ZMYM4: variants seen among roughly 807,000 people sequenced by gnomAD.
ZMYM4 encodes zinc finger MYM-type containing 4.
ZMYM4 carries 31 observed loss-of-function variants against 183.2 expected under a neutral mutation model. The observed-to-expected ratio is 0.17, with a 90% confidence interval of 0.13 to 0.23. The LOEUF (loss-of-function observed/expected upper bound fraction) is 0.23. Ranked by LOEUF, ZMYM4 falls within the 10% of genes least tolerant of loss-of-function variation. ZMYM4 has a pLI of 1.00. For synonymous variants in ZMYM4, 592 were observed against 631.2 expected (o/e 0.94, Z 0.93); for missense variants, 1,273 against 1,840.3 (o/e 0.69, Z 5.64).
Position 35,419,461 on chromosome 1 carries a change from T to C in ZMYM4, c.4440-9T>C, listed in dbSNP as rs754796324. 5.6e-6 allele frequency: 9 copies of C among 1,612,984 alleles called. No individual in the cohort carries two copies. In the Admixed American group the frequency reaches 1.0e-4, roughly 18 times the overall value. On this transcript the variant is annotated splice_polypyrimidine_tract_variant and intron_variant, in intron 29 of 29. Coordinates refer to ENST00000314607, the MANE Select transcript of ZMYM4 (RefSeq NM_005095.3). Reference sequence around the variant, plus strand: ...CTTTTTTCTCTTTTTTTTTTTCCCCTGTGGATAGTTCTGAAAGTGTGAAGC... The same window carrying C: ...CTTTTTTCTCTTTTTTTTTTTCCCCCGTGGATAGTTCTGAAAGTGTGAAGC...
rs565935601 is a variant in ZMYM4, at chr1:35,420,080, C to T, written c.*403C>T. On this transcript the variant is annotated 3_prime_UTR_variant, in exon 30 of 30. Transcript: ENST00000314607. ...CAATAGGCTACTTTGGCAAGCCCTC[C>T]GTAAAAGTCAGAGGAGAGATCAGTA... 12 of 269,934 alleles carry T rather than the reference C, an allele frequency of 4.4e-5. No homozygotes were observed. The highest frequency in any genetic ancestry group is 1.9e-4 in the South Asian group (4 of 21,590). 16.7% of individuals were successfully genotyped at this position (269,934 alleles called of 1,614,324 possible). A position where few individuals can be genotyped will look rare whatever the true frequency, so the allele number is the denominator to read the frequency against.
intron 5 of ZMYM4, 40 bp from the exon 6 acceptor site, chr1:35,369,989 C>A: frequency 6.9e-7 from 1 of 1,457,696 alleles, no homozygotes; most frequent in Non-Finnish European, 9.5e-7. Context: ...GGTATTTATT[C>A]TTTTCTCTAT....
intron 1 of ZMYM4, among the ~76,000 whole-genome samples, chr1:35,286,592 C>CT (rs1570254210): frequency 6.8e-6 from 1 of 146,844 alleles, no homozygotes; most frequent in African/African-American, 2.5e-5. Context: ...CTCTGTCTGC[C>CT]TATTTTTTTT....
intron 29 of ZMYM4, among the ~76,000 whole-genome samples, chr1:35,419,027 A>T (rs1174438924): frequency 6.6e-6 from 1 of 152,156 alleles, no homozygotes; most frequent in South Asian, 2.1e-4. Flanking sequence ...TTGCCCTTTG[A>T]TAATGTGTAT....
chr1:35,396,431 T>C, intron 18 of ZMYM4, 121 bp from the exon 19 acceptor site: 1 of 1,355,820 alleles, frequency 7.4e-7, no homozygotes, highest in Admixed American at 2.4e-5. Flanking sequence ...AGAAGTCCTG[T>C]AGTGTCATAG....
intron 2 of ZMYM4, among the ~76,000 whole-genome samples, chr1:35,327,051 G>A (rs1642533841): frequency 1.3e-5 from 2 of 152,104 alleles, no homozygotes; most frequent in Admixed American, 1.3e-4. Flanking sequence ...GGTAGAGATG[G>A]GGTTTTACCA....
At chr1:35,299,457 G>A (rs918415163) in intron 1 of ZMYM4, among the ~76,000 whole-genome samples, 3 of 152,182 alleles carry the variant, frequency 2.0e-5, no homozygotes, top group African/African-American at 7.2e-5. Context: ...ATTTTCTGGG[G>A]TTTAAATCCT....
intron 2 of ZMYM4, among the ~76,000 whole-genome samples, chr1:35,354,740 A>T (rs1288122143): frequency 7.9e-6 from 1 of 127,234 alleles, no homozygotes; most frequent in African/African-American, 2.8e-5. Context: ...AAAAAAAAAA[A>T]AAAAAAAAAA....
chr1:35,271,965 GA>G (rs1346214659), intron 1 of ZMYM4, among the ~76,000 whole-genome samples: 4 of 152,032 alleles, frequency 2.6e-5, no homozygotes, highest in Non-Finnish European at 5.9e-5. Context: ...CCCCTCTCTA[GA>G]AAAAGTAAAA....
intron 1 of ZMYM4, among the ~76,000 whole-genome samples, chr1:35,320,599 A>C (rs963836953): frequency 1.3e-5 from 2 of 152,176 alleles, no homozygotes; most frequent in African/African-American, 4.8e-5. Context: ...TACAAGGTCA[A>C]GTCACAGCCT....
At position 35,348,416 on chromosome 1, in the gene ZMYM4, A is replaced by G. The variant is rs79124846; in HGVS notation, c.86-10509A>G. On this transcript the variant is annotated intron_variant, in intron 2 of 29. Transcript: ENST00000314607. ...TTGTAGCATTACTTATTGTCATTCT[A>G]TATGATACACTTCGCTTTCTGTTCT... is the stretch of plus-strand genomic sequence containing the variant. 9.0e-4 allele frequency among the ~76,000 whole-genome samples: 137 copies of G among 152,338 alleles called. No individual in the cohort carries two copies. In the East Asian group the frequency reaches 0.026, roughly 29 times the overall value.
intron 2 of ZMYM4, among the ~76,000 whole-genome samples, chr1:35,354,830 T>C (rs1280525590): frequency 2.0e-5 from 3 of 151,954 alleles, no homozygotes; most frequent in Non-Finnish European, 4.4e-5. Flanking sequence ...TTATTAGTTT[T>C]GTACCAGTTT....
At chr1:35,384,193 T>C (rs937648767) in intron 9 of ZMYM4, among the ~76,000 whole-genome samples, 2 of 152,124 alleles carry the variant, frequency 1.3e-5, no homozygotes, top group African/African-American at 4.8e-5. Flanking sequence ...CTCTACTTGA[T>C]AGGGAAAGAT....
rs1203059549 is a variant in ZMYM4, at chr1:35,389,768, A to AAAT, written c.2437-179_2437-178insATA. Among the ~76,000 whole-genome samples, 1 of 138,696 alleles carries AAAT rather than the reference A, an allele frequency of 7.2e-6. No homozygotes were observed. The highest frequency in any genetic ancestry group is 1.5e-5 in the Non-Finnish European group (1 of 66,576). The allele number at this position is 138,696 out of a possible 152,430, so 91.0% of individuals were successfully genotyped here. Reference sequence around the variant, plus strand: ...AGGCTCTGTCTCAAAAAAAAAAAAAAATATATATATATATGTGTGTGTGTG... The same window carrying AAAT: ...AGGCTCTGTCTCAAAAAAAAAAAAAAAATATATATATATATATGTGTGTGTGTG... On this transcript the variant is annotated intron_variant, in intron 14 of 29. Coordinates refer to ENST00000314607, the MANE Select transcript of ZMYM4 (RefSeq NM_005095.3). This position sits in a 1 kb window ranked among gnomAD's most constrained non-coding sequence, Gnocchi z 4.0.
At chr1:35,356,345 C>G (rs1643818570) in intron 2 of ZMYM4, among the ~76,000 whole-genome samples, 1 of 152,166 alleles carries the variant, frequency 6.6e-6, no homozygotes, top group Non-Finnish European at 1.5e-5. Flanking sequence ...CCTAATTTTT[C>G]ATTTATGAAA....
At chr1:35,319,776 GA>G (rs1022634032) in intron 1 of ZMYM4, among the ~76,000 whole-genome samples, 1 of 152,156 alleles carries the variant, frequency 6.6e-6, no homozygotes, top group African/African-American at 2.4e-5. Context: ...GCGGTTGAAG[GA>G]ATAGGAATAG....
intron 1 of ZMYM4, among the ~76,000 whole-genome samples, chr1:35,298,987 T>C (rs1483203508): frequency 6.6e-6 from 1 of 152,126 alleles, no homozygotes; most frequent in African/African-American, 2.4e-5. Context: ...AGTGATGAAT[T>C]CTCTGTTTCT....
intron 28 of ZMYM4, among the ~76,000 whole-genome samples, chr1:35,416,590 G>T (rs758503146): frequency 3.9e-5 from 6 of 151,974 alleles, no homozygotes; most frequent in Non-Finnish European, 7.4e-5. Context: ...TTGAGATGAA[G>T]TCTCACTCTG....
At chr1:35,277,462 G>A (rs1639931584) in intron 1 of ZMYM4, among the ~76,000 whole-genome samples, 1 of 152,136 alleles carries the variant, frequency 6.6e-6, no homozygotes, top group South Asian at 2.1e-4. Context: ...CATTAGATGG[G>A]GCTGTGAATT....
Sources: allele counts gnomAD v4.1 joint callset (sites outside exome capture counted in the v4.1 genomes callset), GRCh38; gene constraint gnomAD v4.1.1; non-coding constraint Gnocchi (gnomAD v3.1); transcripts MANE v1.5; gene names NCBI Gene and HGNC (gene_info 2026-07-23, HGNC 2026-07-21).